Variants in KIAA1217 observed in about 807,000 individuals in gnomAD.
The protein encoded by KIAA1217 is KIAA1217, also known as sickle tail protein homolog.
KIAA1217 carries 88 observed loss-of-function variants against 163.9 expected under a neutral mutation model. That is an observed-to-expected ratio of 0.54 (90% confidence interval 0.45 to 0.64). KIAA1217 has a LOEUF of 0.64. KIAA1217 is among the 30% of genes least tolerant of loss of function. The probability of loss-of-function intolerance (pLI) is 0.00; values close to 1 mark genes in which losing one functional copy is unlikely to be tolerated. For synonymous variants in KIAA1217, 903 were observed against 923.1 expected, an observed-to-expected ratio of 0.98 and a Z score of 0.39; for missense variants, 2,372 against 2,475.0, an observed-to-expected ratio of 0.96 and a Z score of 0.88.
intron 2 of KIAA1217, among the ~76,000 whole-genome samples, chr10:24,077,963 T>C (rs1161680304): frequency 1.3e-5 from 2 of 152,194 alleles, no homozygotes; most frequent in Non-Finnish European, 2.9e-5. Context: ...TTTTTTTTCA[T>C]ATCGTTGTTG....
At chr10:23,969,460 T>TTATC (rs1168551998) in intron 1 of KIAA1217, among the ~76,000 whole-genome samples, 1 of 152,232 alleles carries the variant, frequency 6.6e-6, no homozygotes, top group Admixed American at 6.5e-5. Context: ...AAATTTGTTA[T>TTATC]TATCTGTATT....
chr10:24,339,270 A>G (rs1490819753), intron 2 of KIAA1217, among the ~76,000 whole-genome samples: 1 of 152,214 alleles, frequency 6.6e-6, no homozygotes, highest in East Asian at 1.9e-4. Context: ...ATTACAATTC[A>G]GTCATTGAGT....
intron 2 of KIAA1217, among the ~76,000 whole-genome samples, chr10:24,081,352 T>C (rs1301572748): frequency 6.6e-6 from 1 of 152,170 alleles, no homozygotes; most frequent in Non-Finnish European, 1.5e-5. Context: ...TGAGCTGCAT[T>C]GGGCTACCAA....
At chr10:23,770,544 G>C (rs889577651) in intron 1 of KIAA1217, among the ~76,000 whole-genome samples, 9 of 152,298 alleles carry the variant, frequency 5.9e-5, no homozygotes, top group Non-Finnish European at 1.5e-5. Flanking sequence ...TTATCACAAC[G>C]TTGCTACATT....
At chr10:24,423,441 C>T (rs1326372407) in intron 3 of KIAA1217, among the ~76,000 whole-genome samples, 5 of 151,856 alleles carry the variant, frequency 3.3e-5, no homozygotes, top group African/African-American at 9.7e-5. Flanking sequence ...CACACCACCA[C>T]GCCCAGATAA....
chr10:24,422,936 G>A (rs373397034), intron 3 of KIAA1217, among the ~76,000 whole-genome samples: 44 of 120,314 alleles, frequency 3.7e-4, no homozygotes, highest in African/African-American at 1.2e-3. Context: ...ACAGAGTCTC[G>A]CTCTATTGCC....
At chr10:24,240,757 C>T (rs765463450) in intron 2 of KIAA1217, among the ~76,000 whole-genome samples, 9 of 152,144 alleles carry the variant, frequency 5.9e-5, no homozygotes, top group Non-Finnish European at 1.0e-4. Flanking sequence ...TTTTTATTGA[C>T]TGCTGAAATG....
At chr10:24,181,552 T>C (rs1345715792) in intron 2 of KIAA1217, among the ~76,000 whole-genome samples, 3 of 152,122 alleles carry the variant, frequency 2.0e-5, no homozygotes, top group Non-Finnish European at 4.4e-5. Flanking sequence ...ACTTACCAAA[T>C]GTAGTAGGAA....
intron 1 of KIAA1217, among the ~76,000 whole-genome samples, chr10:23,785,482 T>C (rs1015213861): frequency 1.3e-5 from 2 of 152,218 alleles, no homozygotes; most frequent in African/African-American, 4.8e-5. Context: ...GGAGAAGGAC[T>C]GTCTTGAAGT....
chr10:23,974,874 G>C (rs1364293606), intron 1 of KIAA1217, among the ~76,000 whole-genome samples: 1 of 139,882 alleles, frequency 7.1e-6, no homozygotes, highest in Admixed American at 7.6e-5. Context: ...TAAGGGTAAT[G>C]ATTATCCTTC....
intron 3 of KIAA1217, among the ~76,000 whole-genome samples, chr10:24,395,365 A>G (rs2055576812): frequency 6.6e-6 from 1 of 151,922 alleles, no homozygotes; most frequent in African/African-American, 2.4e-5. Context: ...CCTTTGTGCC[A>G]CTCTGCACAT....
chr10:24,150,802 T>A (rs1173934642), intron 2 of KIAA1217, among the ~76,000 whole-genome samples: 1 of 152,160 alleles, frequency 6.6e-6, no homozygotes, highest in African/African-American at 2.4e-5. Context: ...CTGAATTATC[T>A]GATAGAGCTG....
chr10:23,880,560 TA>T (rs528700505), intron 1 of KIAA1217, among the ~76,000 whole-genome samples: 11 of 151,844 alleles, frequency 7.2e-5, no homozygotes, highest in Admixed American at 3.9e-4. Context: ...GTGACTATAG[TA>T]AAAAAAATTT....
intron 3 of KIAA1217, among the ~76,000 whole-genome samples, chr10:24,410,976 G>A (rs1339217269): frequency 6.6e-6 from 1 of 152,136 alleles, no homozygotes; most frequent in Non-Finnish European, 1.5e-5. Flanking sequence ...GCACACACAG[G>A]ACTCAGTGTT....
At chr10:23,700,006 T>G (rs1269602381) in intron 1 of KIAA1217, among the ~76,000 whole-genome samples, 1 of 152,202 alleles carries the variant, frequency 6.6e-6, no homozygotes, top group Non-Finnish European at 1.5e-5. Flanking sequence ...GAGTGAAGTA[T>G]GCATCACTTA....
intron 2 of KIAA1217, among the ~76,000 whole-genome samples, chr10:24,072,140 C>G (rs1285885006): frequency 1.3e-5 from 2 of 152,074 alleles, no homozygotes; most frequent in Admixed American, 6.6e-5. Flanking sequence ...ATTCTCCTGC[C>G]TCAGCCACCC....
At chr10:24,329,644 A>G (rs1008723893) in intron 2 of KIAA1217, among the ~76,000 whole-genome samples, 1 of 152,146 alleles carries the variant, frequency 6.6e-6, no homozygotes, top group South Asian at 2.1e-4. Flanking sequence ...TATGTGTTAG[A>G]TAGGAATGAA....
At chr10:23,830,613 G>A (rs1401607862) in intron 1 of KIAA1217, among the ~76,000 whole-genome samples, 12 of 152,022 alleles carry the variant, frequency 7.9e-5, no homozygotes, top group Non-Finnish European at 2.9e-5. Context: ...GAGAAAGGGA[G>A]ACAGTGATGA....
At chr10:24,384,812 T>G (rs2053796780) in intron 3 of KIAA1217, among the ~76,000 whole-genome samples, 1 of 152,234 alleles carries the variant, frequency 6.6e-6, no homozygotes, top group African/African-American at 2.4e-5. Flanking sequence ...CTGGGATTAC[T>G]GGCGTGAGCC....
Sources: gnomAD v4.1 joint callset for allele counts (sites outside exome capture counted in the v4.1 genomes callset) on GRCh38, gnomAD v4.1.1 for gene constraint, MANE v1.5 for transcripts, NCBI Gene and HGNC (gene_info 2026-07-23, HGNC 2026-07-21) for gene names.